PXDNL: variants seen among roughly 807,000 people sequenced by gnomAD.
PXDNL encodes the protein probable oxidoreductase PXDNL.
In PXDNL, 145 loss-of-function variants were observed where a neutral mutation model predicts 150.8. That is an observed-to-expected ratio of 0.96 (90% CI 0.84 to 1.10). The LOEUF is 1.10. Among genes scored for constraint, PXDNL ranks in the 50% least tolerant of loss-of-function variants. The pLI is 0.00. For synonymous variants in PXDNL, 757 were observed against 725.7 expected (o/e 1.04, Z -0.69); for missense variants, 2,087 against 1,873.9 (o/e 1.11, Z -2.10).
chr8:51,536,732 A>G (rs1812086541), intron 4 of PXDNL, among the ~76,000 whole-genome samples: 1 of 152,146 alleles, frequency 6.6e-6, no homozygotes, highest in South Asian at 2.1e-4. Flanking sequence ...CTTGGCAAAC[A>G]TGAATATTTG....
intron 2 of PXDNL, among the ~76,000 whole-genome samples, chr8:51,650,968 A>G (rs144501493): frequency 1.3e-5 from 2 of 152,342 alleles, no homozygotes; most frequent in African/African-American, 2.4e-5. Flanking sequence ...TCCAAAGGAC[A>G]TGATTGTGTA....
Position 51,472,206 on chromosome 8 carries a change from T to A in PXDNL, c.793A>T (p.Ile265Phe). The A allele has an allele frequency of 6.2e-7, 1 of 1,611,940 alleles. No homozygotes were observed. Among genetic ancestry groups the A allele is most frequent in the South Asian group, 1.1e-5 (1 of 91,000 alleles). ...CRAEGNPKPE[I>F]IWIHNNHSLD... ...ATTTACTTGTTGTGTATCCAAATAA[T>A]CTCAGGTTTGGGGTTTCCTTCCGCC... is the stretch of plus-strand genomic sequence containing the variant. Residue 265 changes from isoleucine (I) to phenylalanine (F), a missense_variant, in exon 8 of 23, where the codon ATT becomes TTT. Transcript: ENST00000356297.
chr8:51,586,034 C>T (rs1382939524), intron 3 of PXDNL, among the ~76,000 whole-genome samples: 1 of 152,080 alleles, frequency 6.6e-6, no homozygotes, highest in African/African-American at 2.4e-5. Context: ...GCAAAAAATT[C>T]CTCCCATCCC....
At chr8:51,543,710 C>CAAAAAAAAAAAAAAAAAAAAAAAAAA (rs572642373) in intron 4 of PXDNL, among the ~76,000 whole-genome samples, 1 of 60,442 alleles carries the variant, frequency 1.7e-5, no homozygotes, top group African/African-American at 4.8e-5. Flanking sequence ...GACTCCATAT[C>CAAAAAAAAAAAAAAAAAAAAAAAAAA]AAAAAAAAAA....
chr8:51,736,899 T>C (rs1057497008), intron 1 of PXDNL, among the ~76,000 whole-genome samples: 2 of 152,226 alleles, frequency 1.3e-5, no homozygotes, highest in Non-Finnish European at 2.9e-5. Flanking sequence ...GTTAACTATA[T>C]ACAAAGTTTT....
chr8:51,658,695 G>A (rs915971742), intron 1 of PXDNL, among the ~76,000 whole-genome samples: 1 of 152,166 alleles, frequency 6.6e-6, no homozygotes, highest in Non-Finnish European at 1.5e-5. Flanking sequence ...TTTGGATAAT[G>A]ATACTGTGTA....
chr8:51,402,495 G>A (rs1484912448), intron 17 of PXDNL, among the ~76,000 whole-genome samples: 2 of 152,008 alleles, frequency 1.3e-5, no homozygotes, highest in Non-Finnish European at 2.9e-5. Context: ...CTCCAGCGTG[G>A]GTGACAGAGA....
At chr8:51,518,520 A>C (rs1377942582) in intron 4 of PXDNL, among the ~76,000 whole-genome samples, 1 of 152,240 alleles carries the variant, frequency 6.6e-6, no homozygotes, top group Non-Finnish European at 1.5e-5. Flanking sequence ...TGAAGTTGTC[A>C]GGTAAGATGT....
chr8:51,725,490 G>A (rs1271657801), intron 1 of PXDNL, among the ~76,000 whole-genome samples: 1 of 152,162 alleles, frequency 6.6e-6, no homozygotes, highest in Non-Finnish European at 1.5e-5. Flanking sequence ...CAAAATAAAA[G>A]TAGCACTTCC....
intron 1 of PXDNL, among the ~76,000 whole-genome samples, chr8:51,735,540 T>TGTTTG (rs1817017558): frequency 8.5e-6 from 1 of 118,212 alleles, no homozygotes; most frequent in Admixed American, 8.0e-5. Context: ...TTTTTTTTTT[T>TGTTTG]TTTTTTTTTT....
intron 12 of PXDNL, among the ~76,000 whole-genome samples, chr8:51,438,248 G>A (rs6995029): frequency 0.97 from 147,260 of 152,196 alleles, 71,459 homozygotes; most frequent in East Asian, 1. Context: ...GACAAAAGCA[G>A]TCTAAAAATT....
intron 4 of PXDNL, among the ~76,000 whole-genome samples, chr8:51,521,718 A>G (rs916492755): frequency 6.6e-6 from 1 of 152,206 alleles, no homozygotes; most frequent in Non-Finnish European, 1.5e-5. Context: ...CAAACTGCAG[A>G]AAAACAAAGA....
chr8:51,765,363 C>T (rs576926961), intron 1 of PXDNL, among the ~76,000 whole-genome samples: 21 of 152,160 alleles, frequency 1.4e-4, no homozygotes, highest in Non-Finnish European at 3.1e-4. Context: ...ACATGCTTTT[C>T]ACCTTCTGAC....
intron 18 of PXDNL, among the ~76,000 whole-genome samples, chr8:51,373,870 C>T (rs1331309875): frequency 3.9e-5 from 6 of 152,180 alleles, no homozygotes; most frequent in African/African-American, 1.4e-4. Flanking sequence ...TAGAAGAGCA[C>T]ATGTCCACTC....
chr8:51,808,727 G>A (rs118007682), intron 1 of PXDNL, among the ~76,000 whole-genome samples: 1 of 152,148 alleles, frequency 6.6e-6, no homozygotes, highest in East Asian at 1.9e-4. Flanking sequence ...CTCCCAGGAG[G>A]TACACACAGT....
chr8:51,607,851 AGAGAGG>A (rs1306143859), intron 2 of PXDNL, among the ~76,000 whole-genome samples: 1 of 95,368 alleles, frequency 1.0e-5, no homozygotes, highest in Non-Finnish European at 2.2e-5. Flanking sequence ...AAAAAAAGGA[AGAGAGG>A]AAGGAAGGAA....
intron 14 of PXDNL, among the ~76,000 whole-genome samples, chr8:51,420,141 A>G (rs1808908947): frequency 6.6e-6 from 1 of 152,228 alleles, no homozygotes; most frequent in South Asian, 2.1e-4. Context: ...AAGGTAAATT[A>G]GAAACTCAAA....
At chr8:51,412,644 A>AT (rs928293950) in intron 15 of PXDNL, among the ~76,000 whole-genome samples, 2 of 152,188 alleles carry the variant, frequency 1.3e-5, no homozygotes, top group African/African-American at 4.8e-5. Flanking sequence ...ATCAACAATC[A>AT]TTTTTTTGTT....
At chr8:51,664,112 G>A (rs1365908956) in intron 1 of PXDNL, among the ~76,000 whole-genome samples, 1 of 151,436 alleles carries the variant, frequency 6.6e-6, no homozygotes, top group African/African-American at 2.4e-5. Flanking sequence ...TGTCCTGAAC[G>A]TTGCAGTGGG....
Sources: gnomAD v4.1 joint callset for allele counts (sites outside exome capture counted in the v4.1 genomes callset) on GRCh38, gnomAD v4.1.1 for gene constraint, MANE v1.5 for transcripts, NCBI Gene and HGNC (gene_info 2026-07-23, HGNC 2026-07-21) for gene names.